Variants in ADCYAP1 observed in about 807,000 individuals in gnomAD.
The protein encoded by ADCYAP1 is adenylate cyclase activating polypeptide 1.
In ADCYAP1, 6 loss-of-function variants were observed where a neutral mutation model predicts 18.5. The observed-to-expected ratio is 0.32, with a 90% CI of 0.18 to 0.64. The LOEUF is 0.64. Among genes scored for constraint, ADCYAP1 ranks in the 30% least tolerant of loss-of-function variants. The pLI, the probability that ADCYAP1 is intolerant of heterozygous loss-of-function variation, is 0.77. For synonymous variants in ADCYAP1, 136 were observed against 113.9 expected (o/e 1.19, Z -1.24); for missense variants, 314 against 253.6 (o/e 1.24, Z -1.62).
In ADCYAP1 at chr18:905,008, C is replaced by G. The variant is rs1200727992; in HGVS notation, c.-54C>G. The G allele has an allele frequency of 7.7e-7, 1 of 1,292,900 alleles. No homozygotes were observed. Among genetic ancestry groups the G allele is most frequent in the South Asian group, 1.2e-5 (1 of 80,784 alleles). 80.1% of individuals were successfully genotyped at this position (1,292,900 alleles called of 1,614,324 possible). A position where few individuals can be genotyped will look rare whatever the true frequency, so the allele number is the denominator to read the frequency against. ...TCCAGCGCAGGAACTTGAAGAAGCGCTTTGCCCGCCGTCCTACCTGGCAGC... is the reference window on the plus strand; with the variant it reads ...TCCAGCGCAGGAACTTGAAGAAGCGGTTTGCCCGCCGTCCTACCTGGCAGC... On this transcript the variant is annotated 5_prime_UTR_variant, in exon 1 of 5. Coordinates refer to ENST00000450565, the MANE Select transcript of ADCYAP1 (RefSeq NM_001099733.2).
rs1303156621 is a variant in ADCYAP1, at chr18:905,404, A to G, written c.18A>G (p.Gly6=). ...TGCGCAGAATGACCATGTGTAGCGG[A>G]GCGAGGCTGGCCCTGCTGGTCTATG... MTMCS[G]ARLALLVYGI... The change falls in exon 2 of 5, where the codon GGA becomes GGG. Residue 6 remains glycine, a synonymous_variant. Transcript: ENST00000450565. 1.2e-6 allele frequency: 2 copies of G among 1,612,998 alleles called. No homozygotes were observed. The highest frequency in any genetic ancestry group is 8.5e-7 in the Non-Finnish European group (1 of 1,180,024).
Position 904,975 on chromosome 18 carries a change from G to C in ADCYAP1, c.-87G>C, listed in dbSNP as rs1909103916. 3.9e-6 allele frequency: 5 copies of C among 1,292,808 alleles called. No homozygotes were observed. The South Asian group carries it at 6.2e-5, about 16-fold the overall frequency. 80.1% of individuals were successfully genotyped at this position (1,292,808 alleles called of 1,614,324 possible). On this transcript the variant is annotated 5_prime_UTR_variant, in exon 1 of 5. Transcript: ENST00000450565. ...AACGCCAGACGGCGATGCCTCTCGG[G>C]TGGTGACTCCAGCGCAGGAACTTGA...
At chr18:907,422 G>A (rs1680017925) in intron 2 of ADCYAP1, 1 of 440,582 alleles carries the variant, frequency 2.3e-6, no homozygotes, top group Admixed American at 4.7e-5. Flanking sequence ...TGGCCCGCAG[G>A]ACGACCCTTT....
rs779865858 is a variant in ADCYAP1 at position 909,672 on chromosome 18, A to G, written c.*37A>G. 11 of 1,565,264 alleles carry G rather than the reference A, an allele frequency of 7.0e-6. No homozygotes were observed. Among genetic ancestry groups the G allele is most frequent in the Non-Finnish European group, 8.7e-7 (1 of 1,148,194 alleles). ...CAGCTACCCTGTGTATACAGCCCTGACGCAATGAAAAGTCGTTTTCCAAAC... is the reference window on the plus strand; with the variant it reads ...CAGCTACCCTGTGTATACAGCCCTGGCGCAATGAAAAGTCGTTTTCCAAAC... On this transcript the variant is annotated 3_prime_UTR_variant, in exon 5 of 5. Transcript: ENST00000450565.
rs546028753 is a variant in ADCYAP1, at chr18:911,250, C to T, written c.*1615C>T. ...TTGGCTAAAGAAAGCATGTCTGTTT[C>T]CTGTCAATTCTTTGAACATACAGAG... On this transcript the variant is annotated 3_prime_UTR_variant, in exon 5 of 5. Coordinates refer to ENST00000450565, the MANE Select transcript of ADCYAP1 (RefSeq NM_001099733.2). 6.6e-6 allele frequency: 1 copy of T among 152,084 alleles called. No individual in the cohort carries two copies. Among genetic ancestry groups the T allele is most frequent in the Non-Finnish European group, 1.5e-5 (1 of 68,012 alleles). 9.4% of individuals were successfully genotyped at this position (152,084 alleles called of 1,614,324 possible). A position where few individuals can be genotyped will look rare whatever the true frequency, so the allele number is the denominator to read the frequency against.
intron 4 of ADCYAP1, among the ~76,000 whole-genome samples, chr18:908,669 T>C (rs115516779): frequency 0.016 from 2,413 of 152,282 alleles, 57 homozygotes; most frequent in African/African-American, 0.053. Flanking sequence ...AGGGAGGTTT[T>C]GCTATAATTT....
rs1478193351 is a variant in ADCYAP1, at chr18:911,142, A to G, written c.*1507A>G. On this transcript the variant is annotated 3_prime_UTR_variant, in exon 5 of 5. Coordinates refer to ENST00000450565, the MANE Select transcript of ADCYAP1 (RefSeq NM_001099733.2). ...TCATTTAATCCTCTTCTTCATATGT[A>G]TGAGTACTATCTTATATCTGTGGTC... 6.6e-6 allele frequency: 1 copy of G among 152,170 alleles called. No individual in the cohort carries two copies. Among genetic ancestry groups the G allele is most frequent in the East Asian group, 1.9e-4 (1 of 5,200 alleles). The allele number at this position is 152,170 out of a possible 1,614,324, so 9.4% of individuals were successfully genotyped here.
Position 912,072 on chromosome 18 carries a change from A to G in ADCYAP1, c.*2437A>G, listed in dbSNP as rs1909406391. 6.6e-6 allele frequency: 1 copy of G among 152,178 alleles called. No homozygotes were observed. Among genetic ancestry groups the G allele is most frequent in the South Asian group, 2.1e-4 (1 of 4,830 alleles). 9.4% of individuals were successfully genotyped at this position (152,178 alleles called of 1,614,324 possible). Reference sequence around the variant, plus strand: ...TGCAACTGATTATAAAAACACCTTAACCAAGTATTATTACACACATGATAT... The same window carrying G: ...TGCAACTGATTATAAAAACACCTTAGCCAAGTATTATTACACACATGATAT... On this transcript the variant is annotated 3_prime_UTR_variant, in exon 5 of 5. Coordinates refer to ENST00000450565, the MANE Select transcript of ADCYAP1 (RefSeq NM_001099733.2).
chr18:908,109 A>G, intron 3 of ADCYAP1, 156 bp from the exon 4 acceptor site: 1 of 704,392 alleles, frequency 1.4e-6, no homozygotes, highest in Non-Finnish European at 2.3e-6. Flanking sequence ...TGCTCTCGAG[A>G]TCATCCCGGG....
chr18:904,453 AG>A, upstream of ADCYAP1: 1 of 1,288,976 alleles, frequency 7.8e-7, no homozygotes, highest in Admixed American at 2.3e-5. Context: ...ATGTTGACAA[AG>A]AGGGCTCTCC....
chr18:909,681 A>C lies in ADCYAP1; in HGVS notation c.*46A>C. ...TGTGTATACAGCCCTGACGCAATGA[A>C]AAGTCGTTTTCCAAACTGACTCAAC... On this transcript the variant is annotated 3_prime_UTR_variant, in exon 5 of 5. Transcript: ENST00000450565. The C allele has an allele frequency of 6.4e-7, 1 of 1,555,470 alleles. No homozygotes were observed. Among genetic ancestry groups the C allele is most frequent in the Middle Eastern group, 1.7e-4 (1 of 5,812 alleles).
chr18:908,938 G>T (rs1202869318), intron 4 of ADCYAP1, among the ~76,000 whole-genome samples: 2 of 152,136 alleles, frequency 1.3e-5, no homozygotes, highest in Non-Finnish European at 1.5e-5. Flanking sequence ...ACAGCCTGTC[G>T]ACTTATATTA....
In ADCYAP1 at chr18:908,300, G is replaced by A. The variant is rs760235350; in HGVS notation, c.278G>A (p.Arg93His). The A allele has an allele frequency of 1.2e-6, 2 of 1,612,836 alleles. No homozygotes were observed. The highest frequency in any genetic ancestry group is 4.5e-5 in the East Asian group (2 of 44,836). The change falls in exon 4 of 5, where the codon CGC becomes CAC. Residue 93 changes from arginine (R) to histidine (H), a missense_variant. Arg to His is a conservative substitution (Grantham distance 29, BLOSUM62 0). Transcript: ENST00000450565. Reference protein sequence around the residue: ...VAHGILNEAYRKVLDQLSAGK... With the variant: ...VAHGILNEAYHKVLDQLSAGK... ...CACGGGATCCTTAACGAGGCCTACC[G>A]CAAAGTGCTGGACCAGCTGTCCGCC...
intron 2 of ADCYAP1, 56 bp downstream of exon 2, chr18:905,552 T>C: frequency 6.3e-7 from 1 of 1,582,768 alleles, no homozygotes; most frequent in Non-Finnish European, 8.6e-7. Context: ...GCACAGACGC[T>C]TCCTCACGGT....
intron 3 of ADCYAP1, 140 bp from the exon 4 acceptor site, chr18:908,125 T>C: frequency 2.7e-6 from 2 of 747,750 alleles, no homozygotes; most frequent in Non-Finnish European, 2.2e-6. Context: ...CCGGGAGTTA[T>C]TGGCGAGTTC....
intron 2 of ADCYAP1, 37 bp downstream of exon 2, chr18:905,533 G>A (rs752778053): frequency 1.3e-5 from 21 of 1,599,848 alleles, no homozygotes; most frequent in Non-Finnish European, 1.7e-5. Flanking sequence ...AGGAGCTGGG[G>A]CTTCCCAGGC....
upstream of ADCYAP1, chr18:904,580 G>C (rs2143096881): frequency 7.8e-7 from 1 of 1,287,548 alleles, no homozygotes; most frequent in Non-Finnish European, 1.0e-6. Flanking sequence ...GAGGCAGCCG[G>C]AGAGACCTCG....
chr18:905,585 T>C (rs188757425), intron 2 of ADCYAP1, 89 bp downstream of exon 2: 1 of 1,455,264 alleles, frequency 6.9e-7, no homozygotes, highest in East Asian at 2.3e-5. Flanking sequence ...GTCCTTTGGG[T>C]CCAGACTACT....
At chr18:905,849 G>A (rs1365075616) in intron 2 of ADCYAP1, 1 of 312,888 alleles carries the variant, frequency 3.2e-6, no homozygotes, top group African/African-American at 2.2e-5. Flanking sequence ...GGACGAGTTA[G>A]GAGAACTTCA....
Sources: allele counts gnomAD v4.1 joint callset (sites outside exome capture counted in the v4.1 genomes callset), GRCh38; gene constraint gnomAD v4.1.1; transcripts MANE v1.5; gene names NCBI Gene and HGNC (gene_info 2026-07-23, HGNC 2026-07-21).